CEP76: variants seen among roughly 807,000 people sequenced by gnomAD.
CEP76 encodes the protein centrosomal protein of 76 kDa.
Under a neutral mutation model 83.3 loss-of-function variants are expected in CEP76, and 55 were observed. The ratio of observed to expected loss-of-function variants is 0.66; its 90% CI spans 0.53 to 0.83. The LOEUF is 0.83. Among genes scored for constraint, CEP76 ranks in the 40% least tolerant of loss-of-function variants. CEP76 has a pLI of 0.00. For missense variants in CEP76, 694 were observed against 799.5 expected (o/e 0.87, Z 1.59); for synonymous variants, 270 against 274.5 (o/e 0.98, Z 0.16).
intron 10 of CEP76, 36 bp downstream of exon 10, chr18:12,678,073 G>C (rs758422946): frequency 1.3e-6 from 2 of 1,516,620 alleles, no homozygotes; most frequent in Non-Finnish European, 1.8e-6. Flanking sequence ...TAAATGAAAA[G>C]AAGTATGAAA....
rs767986391 is a variant in CEP76 at position 12,673,338 on chromosome 18, G to A, written c.*27C>T. 3.8e-6 allele frequency: 6 copies of A among 1,583,550 alleles called. No homozygotes were observed. In the South Asian group the frequency reaches 7.0e-5, roughly 18 times the overall value. ...ATGTGTAAAATTCCAATTAAACACA[G>A]GTATAAATCTTATATAAATATTGGC... On this transcript the variant is annotated 3_prime_UTR_variant, in exon 12 of 12. Transcript: ENST00000262127.
rs71174127 is a variant in CEP76, at chr18:12,677,458, CAAAAAAAAAAAAAAA to C, written c.1623+636_1623+650del. ...GGTGACAGAGCGAGAGATTCCATCT[CAAAAAAAAAAAAAAA>C]AAAAAAAAAAAGAGGTTTGATCTCA... On this transcript the variant is annotated intron_variant, in intron 10 of 11. Coordinates refer to ENST00000262127, the MANE Select transcript of CEP76 (RefSeq NM_024899.4). Among the ~76,000 whole-genome samples, 211 of 53,958 alleles carry C rather than the reference CAAAAAAAAAAAAAAA, an allele frequency of 3.9e-3. 1 individual carries two copies. The highest frequency in any genetic ancestry group is 0.016 in the African/African-American group (196 of 12,134). 35.4% of individuals were successfully genotyped at this position (53,958 alleles called of 152,430 possible). A position where few individuals can be genotyped will look rare whatever the true frequency, so the allele number is the denominator to read the frequency against.
chr18:12,696,816 T>C (rs1174337369), intron 5 of CEP76, among the ~76,000 whole-genome samples: 1 of 152,180 alleles, frequency 6.6e-6, no homozygotes, highest in African/African-American at 2.4e-5. Context: ...TGGGAGAACA[T>C]CTACTCTGTA....
At chr18:12,666,454 T>G (rs1351984486) in intron 12 of CEP76, among the ~76,000 whole-genome samples, 122 of 150,122 alleles carry the variant, frequency 8.1e-4, no homozygotes, top group African/African-American at 2.8e-3. Flanking sequence ...TTTTTTTTTT[T>G]TGTGAGGTAG....
chr18:12,687,889 C>A (rs149014045), intron 7 of CEP76, among the ~76,000 whole-genome samples: 62 of 151,960 alleles, frequency 4.1e-4, no homozygotes, highest in African/African-American at 1.4e-3. Flanking sequence ...CCTGAAATCA[C>A]AAACTAAATA....
At chr18:12,679,467 C>T (rs1327851131) in intron 9 of CEP76, among the ~76,000 whole-genome samples, 10 of 152,052 alleles carry the variant, frequency 6.6e-5, no homozygotes, top group Admixed American at 5.9e-4. Flanking sequence ...CTTTGTGGAG[C>T]GTCCGTTTCC....
chr18:12,699,297 C>T (rs2040068929), intron 3 of CEP76, 94 bp from the exon 4 acceptor site: 2 of 862,540 alleles, frequency 2.3e-6, no homozygotes, highest in Non-Finnish European at 3.6e-6. Context: ...CAGATAAAAA[C>T]CCAATACCAA....
At chr18:12,686,523 A>C in intron 7 of CEP76, 73 bp from the exon 8 acceptor site, 1 of 1,097,766 alleles carries the variant, frequency 9.1e-7, no homozygotes, top group Non-Finnish European at 1.3e-6. Flanking sequence ...AAATACATTA[A>C]TGTAGGATAA....
intron 9 of CEP76, 101 bp from the exon 10 acceptor site, chr18:12,678,543 C>G: frequency 1.4e-6 from 1 of 704,796 alleles, no homozygotes; most frequent in South Asian, 2.1e-5. Context: ...AACTACTTCT[C>G]AGAACTACAG....
At chr18:12,669,460 C>A (rs1206455797), downstream of CEP76, among the ~76,000 whole-genome samples, 1 of 151,880 alleles carries the variant, frequency 6.6e-6, no homozygotes, top group Non-Finnish European at 1.5e-5. Flanking sequence ...GTTGACCAGG[C>A]TGTGCTCAAA....
downstream of CEP76, chr18:12,671,269 T>C (rs1207589796): frequency 3.3e-5 from 5 of 152,246 alleles, no homozygotes; most frequent in East Asian, 9.6e-4. Flanking sequence ...AAGACACTTT[T>C]AGATTTTAAT....
At chr18:12,690,642 A>G (rs541425319) in intron 7 of CEP76, among the ~76,000 whole-genome samples, 9 of 152,212 alleles carry the variant, frequency 5.9e-5, no homozygotes, top group African/African-American at 2.2e-4. Flanking sequence ...TTTTTAGTAG[A>G]AACGGGGTTT....
At chr18:12,690,329 G>A (rs1454493847) in intron 7 of CEP76, among the ~76,000 whole-genome samples, 2 of 152,108 alleles carry the variant, frequency 1.3e-5, no homozygotes, top group Admixed American at 1.3e-4. Flanking sequence ...CAGGATTTGA[G>A]AAACTTAACT....
chr18:12,697,465 T>C (rs1568032225), intron 4 of CEP76, 57 bp from the exon 5 acceptor site: 5 of 1,135,936 alleles, frequency 4.4e-6, no homozygotes, highest in Non-Finnish European at 6.2e-6. Context: ...TAGGCCAACA[T>C]AAAAGAATAC....
Position 12,695,438 on chromosome 18 carries a change from T to C in CEP76, c.707-87A>G, listed in dbSNP as rs565227278. 6.6e-4 allele frequency: 348 copies of C among 523,712 alleles called. 1 individual carries two copies. The highest frequency in any genetic ancestry group is 1.1e-3 in the Non-Finnish European group (323 of 298,064). 32.4% of individuals were successfully genotyped at this position (523,712 alleles called of 1,614,324 possible). The stretch of plus-strand genomic sequence containing the variant: ...AGTCTAACCAAAATAATTTAGGCAC[T>C]TGGGTGTTTTATCACTTACATGGAA... On this transcript the variant is annotated intron_variant, in intron 5 of 11. Coordinates refer to ENST00000262127, the MANE Select transcript of CEP76 (RefSeq NM_024899.4).
At position 12,680,615 on chromosome 18, in the gene CEP76, A is replaced by C. The variant is rs952358170; in HGVS notation, c.1289+47T>G. ...CCATCTCAAAAAAAAAAAAAAAAAA[A>C]AACTTATAACTTCATTTTAATATCC... is the stretch of plus-strand genomic sequence containing the variant. On this transcript the variant is annotated intron_variant, in intron 9 of 11. Transcript: ENST00000262127. 4.6e-4 allele frequency: 640 copies of C among 1,400,020 alleles called. 3 individuals carry two copies. The African/African-American group carries it at 7.1e-3, about 15-fold the overall frequency. The allele number at this position is 1,400,020 out of a possible 1,614,324, so 86.7% of individuals were successfully genotyped here.
chr18:12,677,532 C>T (rs1044915561), intron 10 of CEP76, among the ~76,000 whole-genome samples: 1 of 148,774 alleles, frequency 6.7e-6, no homozygotes, highest in Non-Finnish European at 1.5e-5. Context: ...TAAAGCCAGA[C>T]GTCTACCCAG....
chr18:12,673,849 A>C (rs2542166), intron 11 of CEP76, among the ~76,000 whole-genome samples: 121,484 of 152,126 alleles, frequency 0.8, 48,962 homozygotes, highest in Non-Finnish European at 0.83. Flanking sequence ...CCACTGCACT[A>C]CAGCCTGGGC....
rs144907968 is a variant in CEP76, at chr18:12,674,778, A to G, written c.1624-25T>C. The stretch of plus-strand genomic sequence containing the variant: ...CCTATGAGCAATCAAGAGAAAAAGA[A>G]AAAGTGAAATACATTAATATTTTTA... On this transcript the variant is annotated intron_variant, in intron 10 of 11. Transcript: ENST00000262127. The G allele has an allele frequency of 9.0e-5, 134 of 1,489,078 alleles. No homozygotes were observed. In the East Asian group the frequency reaches 3.0e-3, roughly 33 times the overall value. 92.2% of individuals were successfully genotyped at this position (1,489,078 alleles called of 1,614,324 possible).
Sources: allele counts gnomAD v4.1 joint callset (sites outside exome capture counted in the v4.1 genomes callset), GRCh38; gene constraint gnomAD v4.1.1; transcripts MANE v1.5; gene names NCBI Gene and HGNC (gene_info 2026-07-23, HGNC 2026-07-21).